Variants in ANKRD18B observed in about 807,000 individuals in gnomAD.
ANKRD18B encodes ankyrin repeat domain 18B.
ANKRD18B carries 75 observed loss-of-function variants against 111.8 expected under a neutral mutation model. The observed-to-expected ratio is 0.67, with a 90% confidence interval of 0.56 to 0.81. ANKRD18B has a LOEUF of 0.81. ANKRD18B is among the 40% of genes least tolerant of loss of function. ANKRD18B has a pLI of 0.00. For synonymous variants in ANKRD18B, 356 were observed against 417.3 expected (o/e 0.85, Z 1.79); for missense variants, 1,038 against 1,225.5 (o/e 0.85, Z 2.28).
chr9:33,550,833 C>G (rs1828436224), intron 12 of ANKRD18B, among the ~76,000 whole-genome samples: 1 of 152,084 alleles, frequency 6.6e-6, no homozygotes, highest in African/African-American at 2.4e-5. Context: ...TACATCATTC[C>G]TCACAGAAAA....
At chr9:33,525,897 T>G (rs868175268) in intron 1 of ANKRD18B, among the ~76,000 whole-genome samples, 1 of 151,304 alleles carries the variant, frequency 6.6e-6, no homozygotes, top group African/African-American at 2.4e-5. Context: ...ATATATCAGT[T>G]ATACATATAT....
intron 10 of ANKRD18B, 115 bp downstream of exon 10, chr9:33,543,370 C>T (rs1168290382): frequency 2.8e-5 from 23 of 807,330 alleles, no homozygotes; most frequent in Non-Finnish European, 4.2e-5. Context: ...TCCAACAGAG[C>T]ATAATTTCAT....
At chr9:33,528,970 A>G (rs1426748623) in intron 2 of ANKRD18B, 30 bp from the exon 3 acceptor site, 1 of 1,610,034 alleles carries the variant, frequency 6.2e-7, no homozygotes, top group Non-Finnish European at 8.5e-7. Context: ...CTTAGAATTT[A>G]TAGTCTAGTT....
At chr9:33,543,882 G>T (rs1828318821) in intron 10 of ANKRD18B, among the ~76,000 whole-genome samples, 3 of 152,142 alleles carry the variant, frequency 2.0e-5, no homozygotes, top group Admixed American at 6.6e-5. Context: ...GTAAAGCGCT[G>T]TCACTAGTGG....
intron 8 of ANKRD18B, 67 bp from the exon 9 acceptor site, chr9:33,541,080 C>G: frequency 6.6e-7 from 1 of 1,517,794 alleles, no homozygotes; most frequent in East Asian, 2.5e-5. Context: ...TGAAACTTTG[C>G]CAGGTAAGGA....
At chr9:33,573,369 G>A, downstream of ANKRD18B, 1 of 926,414 alleles carries the variant, frequency 1.1e-6, no homozygotes. Context: ...AAGGGTTCTT[G>A]ATTAGTCTCT....
At chr9:33,554,568 C>T (rs1225265781) in intron 12 of ANKRD18B, among the ~76,000 whole-genome samples, 4 of 152,046 alleles carry the variant, frequency 2.6e-5, no homozygotes, top group African/African-American at 7.2e-5. Flanking sequence ...TTTGAGAGGC[C>T]GAGGAGGGCA....
rs1828405015 is a variant in ANKRD18B at position 33,548,808 on chromosome 9, T to G, written c.2020T>G (p.Leu674Val). The G allele has an allele frequency of 1.3e-6, 2 of 1,513,390 alleles. No homozygotes were observed. The highest frequency in any genetic ancestry group is 1.8e-6 in the Non-Finnish European group (2 of 1,132,236). The allele number at this position is 1,513,390 out of a possible 1,614,324, so 93.7% of individuals were successfully genotyped here. Residue 674 changes from leucine to valine, a missense_variant, in exon 11 of 19, where the codon TTA becomes GTA. Leu to Val is a conservative substitution (Grantham distance 32, BLOSUM62 1). Coordinates refer to ENST00000684830, the MANE Select transcript of ANKRD18B (RefSeq NM_001393611.1). The stretch of plus-strand genomic sequence containing the variant: ...GGAATTAATGAATGAATATAATTAT[T>G]TAAAAGAAAAACTGCTTCAGTATGA... ...NKELMNEYNY[L>V]KEKLLQYEKE...
chr9:33,563,964 G>A (rs1457680266), intron 14 of ANKRD18B, among the ~76,000 whole-genome samples: 1 of 152,094 alleles, frequency 6.6e-6, no homozygotes, highest in Non-Finnish European at 1.5e-5. Context: ...TAAGAGACAG[G>A]GTCTTGCTAG....
rs147098071 is a variant in ANKRD18B, at chr9:33,542,742, A to G, written c.1079-443A>G. ...GTAGAGGAAAATATTTCAGATGTAA[A>G]AAACAGGGTGTACACTATAAAGGTA... On this transcript the variant is annotated intron_variant, in intron 9 of 18. Coordinates refer to ENST00000684830, the MANE Select transcript of ANKRD18B (RefSeq NM_001393611.1). Among the ~76,000 whole-genome samples, 13 of 152,292 alleles carry G rather than the reference A, an allele frequency of 8.5e-5. No individual in the cohort carries two copies. In the East Asian group the frequency reaches 1.5e-3, roughly 18 times the overall value.
chr9:33,535,498 A>T (rs1411834825), intron 5 of ANKRD18B, among the ~76,000 whole-genome samples: 1 of 151,824 alleles, frequency 6.6e-6, no homozygotes, highest in East Asian at 1.9e-4. Flanking sequence ...CATGTTAGCC[A>T]GGATGGTCTC....
intron 16 of ANKRD18B, 151 bp from the exon 17 acceptor site, chr9:33,568,520 A>T: frequency 1.6e-6 from 1 of 615,878 alleles, no homozygotes; most frequent in African/African-American, 1.9e-5. Context: ...CGTTACTTAC[A>T]AGAGGTATGC....
At chr9:33,550,376 C>T in intron 11 of ANKRD18B, 54 bp from the exon 12 acceptor site, 1 of 1,460,314 alleles carries the variant, frequency 6.8e-7, no homozygotes. Context: ...TAAATATTAA[C>T]ATAATTTAAT....
chr9:33,559,931 C>T (rs1288140613), intron 14 of ANKRD18B, among the ~76,000 whole-genome samples: 6 of 152,162 alleles, frequency 3.9e-5, no homozygotes, highest in Admixed American at 2.0e-4. Context: ...TAAAAACAAA[C>T]CCCACATCAT....
rs770678215 is a variant in ANKRD18B at position 33,566,426 on chromosome 9, G to C, written c.2668G>C (p.Val890Leu). The C allele has an allele frequency of 1.2e-6, 2 of 1,609,800 alleles. No individual in the cohort carries two copies. The highest frequency in any genetic ancestry group is 1.7e-6 in the Non-Finnish European group (2 of 1,178,728). Residue 890 changes from valine to leucine, a missense_variant, in exon 15 of 19, where the codon GTA (valine) becomes CTA (leucine). Coordinates refer to ENST00000684830, the MANE Select transcript of ANKRD18B (RefSeq NM_001393611.1). ...AAAAGATATGGTAGAACTTGGTAAA[G>C]TACAAGAATATAAATCGGAGCTGGA... Reference protein sequence around the residue: ...MEKDMVELGKVQEYKSELDER... With the variant: ...MEKDMVELGKLQEYKSELDER...
intron 10 of ANKRD18B, among the ~76,000 whole-genome samples, chr9:33,544,742 C>T (rs570500741): frequency 2.0e-5 from 3 of 152,164 alleles, no homozygotes; most frequent in African/African-American, 7.2e-5. Flanking sequence ...GAGGCTGAGG[C>T]AGGAGAATTG....
At chr9:33,567,598 C>A (rs1012350537) in intron 16 of ANKRD18B, among the ~76,000 whole-genome samples, 2 of 151,950 alleles carry the variant, frequency 1.3e-5, no homozygotes, top group Non-Finnish European at 2.9e-5. Flanking sequence ...ATTTTTGAAG[C>A]TTTATGATAA....
chr9:33,535,782 TATTA>T (rs1828189530), intron 5 of ANKRD18B, among the ~76,000 whole-genome samples: 1 of 101,768 alleles, frequency 9.8e-6, no homozygotes, highest in Non-Finnish European at 2.0e-5. Flanking sequence ...TCATTATAAA[TATTA>T]TATATAATTA....
At chr9:33,555,557 T>C (rs1349903859) in intron 12 of ANKRD18B, 151 bp from the exon 13 acceptor site, 3 of 493,344 alleles carry the variant, frequency 6.1e-6, no homozygotes, top group Non-Finnish European at 9.5e-6. Context: ...TGACTAGTTT[T>C]GAAATCTCAT....
Sources: allele counts gnomAD v4.1 joint callset (sites outside exome capture counted in the v4.1 genomes callset), GRCh38; gene constraint gnomAD v4.1.1; transcripts MANE v1.5; gene names NCBI Gene and HGNC (gene_info 2026-07-23, HGNC 2026-07-21).